Variants in PLPPR5 observed in about 807,000 individuals in gnomAD.
PLPPR5 encodes phospholipid phosphatase related 5, also known as phospholipid phosphatase-related protein type 5.
PLPPR5 carries 16 observed loss-of-function variants against 33.9 expected under a neutral mutation model. The ratio of observed to expected loss-of-function variants is 0.47; its 90% CI spans 0.32 to 0.72. The LOEUF is 0.72. PLPPR5 is among the 30% of genes least tolerant of loss of function. The probability of loss-of-function intolerance (pLI) is 0.03; values close to 1 mark genes in which losing one functional copy is unlikely to be tolerated. For missense variants in PLPPR5, 301 were observed against 406.7 expected, an observed-to-expected ratio of 0.74 and a Z score of 2.23; for synonymous variants, 163 against 150.3, an observed-to-expected ratio of 1.08 and a Z score of -0.62.
intron 1 of PLPPR5, among the ~76,000 whole-genome samples, chr1:99,001,516 A>C (rs1231435111): frequency 6.6e-6 from 1 of 151,866 alleles, no homozygotes; most frequent in Non-Finnish European, 1.5e-5. Context: ...CCTAGTCAGC[A>C]TTATATAAAA....
At chr1:98,964,973 A>ATTTTTT (rs566402306) in intron 1 of PLPPR5, among the ~76,000 whole-genome samples, 1 of 121,446 alleles carries the variant, frequency 8.2e-6, no homozygotes. Context: ...TTAATTTTTG[A>ATTTTTT]TTTTTTTTTT....
intron 1 of PLPPR5, among the ~76,000 whole-genome samples, chr1:98,989,485 T>C (rs1163736018): frequency 6.6e-6 from 1 of 152,126 alleles, no homozygotes; most frequent in Non-Finnish European, 1.5e-5. Flanking sequence ...AGAATAACAG[T>C]AACAGAGTTG....
rs1182847216 is a variant in PLPPR5, at chr1:99,004,721, G to C, written c.-50C>G. ...CCGAGCCGAGCGGGCGGTCGACGCG[G>C]TGGGCCCCCTCCCCGGTCCGCCGAG... On this transcript the variant is annotated 5_prime_UTR_variant, in exon 1 of 6. Coordinates refer to ENST00000263177, the MANE Select transcript of PLPPR5 (RefSeq NM_001037317.2). 3 of 1,282,280 alleles carry C rather than the reference G, an allele frequency of 2.3e-6. No homozygotes were observed. The South Asian group carries it at 6.7e-5, about 29-fold the overall frequency. 79.4% of individuals were successfully genotyped at this position (1,282,280 alleles called of 1,614,324 possible). A position where few individuals can be genotyped will look rare whatever the true frequency, so the allele number is the denominator to read the frequency against.
chr1:98,982,118 A>T (rs1463742693), intron 1 of PLPPR5, among the ~76,000 whole-genome samples: 1 of 152,106 alleles, frequency 6.6e-6, no homozygotes, highest in Non-Finnish European at 1.5e-5. Context: ...CTGAGTGACA[A>T]TAAAATCATG....
Position 98,893,005 on chromosome 1 carries a change from T to C in PLPPR5, c.*67A>G, listed in dbSNP as rs1391927957. On this transcript the variant is annotated 3_prime_UTR_variant, in exon 6 of 6. Transcript: ENST00000263177. Reference sequence around the variant, plus strand: ...ACTTCACTTGCAATCAAACAAACTTTGGGTGTTATGAATGGATGGTAAAAA... The same window carrying C: ...ACTTCACTTGCAATCAAACAAACTTCGGGTGTTATGAATGGATGGTAAAAA... The C allele has an allele frequency of 6.9e-7, 1 of 1,455,926 alleles. No homozygotes were observed. Among genetic ancestry groups the C allele is most frequent in the East Asian group, 2.3e-5 (1 of 43,462 alleles). 90.2% of individuals were successfully genotyped at this position (1,455,926 alleles called of 1,614,324 possible).
At chr1:98,915,874 G>C (rs1310875976) in intron 4 of PLPPR5, among the ~76,000 whole-genome samples, 1 of 152,114 alleles carries the variant, frequency 6.6e-6, no homozygotes, top group African/African-American at 2.4e-5. Context: ...AAACATACCA[G>C]GAAGATTATT....
chr1:98,994,287 T>A lies in PLPPR5; in HGVS notation c.237+10148A>T, dbSNP rs138945842. ...CAGCAAGAATGGAAGCAGAAAAAGT[T>A]CCCTCCTTTACTCTCCTCTTTTTGT... On this transcript the variant is annotated intron_variant, in intron 1 of 5. Transcript: ENST00000263177. Among the ~76,000 whole-genome samples the A allele has an allele frequency of 2.2e-3, 332 of 152,034 alleles. 2 individuals carry two copies. Among genetic ancestry groups the A allele is most frequent in the African/African-American group, 7.6e-3 (317 of 41,514 alleles).
chr1:98,893,165 T>G, intron 5 of PLPPR5, 61 bp from the exon 6 acceptor site: 1 of 1,464,556 alleles, frequency 6.8e-7, no homozygotes. Context: ...TTGTAAAATA[T>G]GTAGTACCTT....
At chr1:98,903,780 T>C (rs140691547) in intron 5 of PLPPR5, among the ~76,000 whole-genome samples, 72 of 152,270 alleles carry the variant, frequency 4.7e-4, no homozygotes, top group African/African-American at 1.7e-3. Context: ...GTATCAATTC[T>C]TCAGATAAGG....
At chr1:98,910,554 G>A (rs1570689389) in intron 5 of PLPPR5, among the ~76,000 whole-genome samples, 3 of 152,112 alleles carry the variant, frequency 2.0e-5, no homozygotes, top group Admixed American at 2.0e-4. Flanking sequence ...TAAAACATTG[G>A]AATAAATGTG....
At chr1:98,929,664 T>C (rs1287500235) in intron 3 of PLPPR5, among the ~76,000 whole-genome samples, 1 of 152,192 alleles carries the variant, frequency 6.6e-6, no homozygotes, top group Non-Finnish European at 1.5e-5. Flanking sequence ...GAATAACAGC[T>C]CCTTCATCAC....
At chr1:98,995,243 G>A (rs563072670) in intron 1 of PLPPR5, among the ~76,000 whole-genome samples, 20 of 151,942 alleles carry the variant, frequency 1.3e-4, no homozygotes, top group East Asian at 3.9e-4. Context: ...GCAAAGAAAC[G>A]GAATCAACTT....
chr1:98,972,077 G>A (rs891511995), intron 1 of PLPPR5, among the ~76,000 whole-genome samples: 6 of 151,968 alleles, frequency 3.9e-5, no homozygotes, highest in South Asian at 2.1e-4. Context: ...GGGCCCAAAC[G>A]AACCCTCAAT....
rs1408511785 is a variant in PLPPR5 at position 98,891,759 on chromosome 1, GC to G, written c.*1312del. On this transcript the variant is annotated 3_prime_UTR_variant, in exon 6 of 6. Transcript: ENST00000263177. The stretch of plus-strand genomic sequence containing the variant: ...ACATAAACATTTAAAATACAGCAGA[GC>G]TTTCATATTTGTATTCTGGCATTTC... The G allele has an allele frequency of 6.6e-6, 1 of 152,026 alleles. No individual in the cohort carries two copies. The highest frequency in any genetic ancestry group is 1.5e-5 in the Non-Finnish European group (1 of 68,004). 9.4% of individuals were successfully genotyped at this position (152,026 alleles called of 1,614,324 possible). A position where few individuals can be genotyped will look rare whatever the true frequency, so the allele number is the denominator to read the frequency against.
chr1:98,984,145 A>G (rs1652163584), intron 1 of PLPPR5, among the ~76,000 whole-genome samples: 1 of 152,008 alleles, frequency 6.6e-6, no homozygotes, highest in South Asian at 2.1e-4. Flanking sequence ...AAGAACTACT[A>G]AAGCAGCCTG....
At chr1:98,941,173 T>C (rs1373641010) in intron 3 of PLPPR5, among the ~76,000 whole-genome samples, 8 of 151,898 alleles carry the variant, frequency 5.3e-5, no homozygotes, top group Admixed American at 5.3e-4. Flanking sequence ...AACTCGGTAA[T>C]TGCTGGTAAC....
At chr1:98,931,921 T>C (rs1364928241) in intron 3 of PLPPR5, among the ~76,000 whole-genome samples, 1 of 152,184 alleles carries the variant, frequency 6.6e-6, no homozygotes, top group Non-Finnish European at 1.5e-5. Flanking sequence ...ACTAGAGTCA[T>C]AGCTGCAGTT....
intron 4 of PLPPR5, among the ~76,000 whole-genome samples, chr1:98,920,191 G>A (rs113554783): frequency 8.8e-4 from 134 of 152,196 alleles, no homozygotes; most frequent in African/African-American, 3.1e-3. Context: ...GCATTCTGAG[G>A]TTGGCCTTGT....
At chr1:98,959,992 C>T (rs1651170121) in intron 1 of PLPPR5, among the ~76,000 whole-genome samples, 1 of 152,138 alleles carries the variant, frequency 6.6e-6, no homozygotes, top group Admixed American at 6.5e-5. Context: ...ATTCTGTCCA[C>T]CTACTTGGAC....
Sources: gnomAD v4.1 joint callset for allele counts (sites outside exome capture counted in the v4.1 genomes callset) on GRCh38, gnomAD v4.1.1 for gene constraint, MANE v1.5 for transcripts, NCBI Gene and HGNC (gene_info 2026-07-23, HGNC 2026-07-21) for gene names.